The following SPPL2A variants were observed in gnomAD, a reference collection of about 807,000 sequenced individuals.
SPPL2A encodes the protein signal peptide peptidase-like 2A.
In SPPL2A, 51 loss-of-function variants were observed where a neutral mutation model predicts 63.8. That is an observed-to-expected ratio of 0.80 (90% CI 0.64 to 1.01). The LOEUF (loss-of-function observed/expected upper bound fraction) is 1.01. SPPL2A is among the 50% of genes least tolerant of loss of function. The pLI is 0.00. For missense variants in SPPL2A, 553 were observed against 622.7 expected (o/e 0.89, Z 1.19); for synonymous variants, 188 against 205.8 (o/e 0.91, Z 0.74).
At chr15:50,755,273 G>A (rs62018809) in intron 1 of SPPL2A, among the ~76,000 whole-genome samples, 4,181 of 150,814 alleles carry the variant, frequency 0.028, 72 homozygotes, top group Middle Eastern at 0.1. Context: ...AGCCAAGATC[G>A]CACCACTGCA....
Position 50,739,753 on chromosome 15 carries a change from A to C in SPPL2A, c.660T>G (p.Pro220=), listed in dbSNP as rs779289679. 6.3e-7 allele frequency: 1 copy of C among 1,599,754 alleles called. No individual in the cohort carries two copies. Among genetic ancestry groups the C allele is most frequent in the Admixed American group, 1.7e-5 (1 of 57,616 alleles). The part of the protein sequence containing the change: ...KKKEEYLTFS[P]LTVVIFVVIC... ...TGACCACAAATATTACAACTGTAAG[A>C]GGACTAAAAGTTAAATATTCTTCCT... The change falls in exon 6 of 15, where the codon CCT becomes CCG. Residue 220 remains proline, a synonymous_variant. Coordinates refer to ENST00000261854, the MANE Select transcript of SPPL2A (RefSeq NM_032802.4).
Position 50,731,003 on chromosome 15 carries a change from C to A in SPPL2A, c.1051G>T (p.Asp351Tyr). The A allele has an allele frequency of 6.6e-7, 1 of 1,522,402 alleles. No homozygotes were observed. Among genetic ancestry groups the A allele is most frequent in the South Asian group, 1.1e-5 (1 of 88,366 alleles). The allele number at this position is 1,522,402 out of a possible 1,614,324, so 94.3% of individuals were successfully genotyped here. ...GGTGTTATGAAAACAAAAAATACAT[C>A]ATAGAGGAGGAGAAGGCCTAGAAGT... is the stretch of plus-strand genomic sequence containing the variant. ...VILLGLLLLYDVFFVFITPFI... is the reference protein window; with the variant it reads ...VILLGLLLLYYVFFVFITPFI... Residue 351 changes from aspartate to tyrosine, a missense_variant, in exon 10 of 15, where the codon GAT becomes TAT. By Grantham distance (160) the Asp-to-Tyr change is radical (BLOSUM62 -3). Coordinates refer to ENST00000261854, the MANE Select transcript of SPPL2A (RefSeq NM_032802.4).
chr15:50,725,045 C>A (rs1419111526), intron 12 of SPPL2A, among the ~76,000 whole-genome samples, 176 bp downstream of exon 12: 2 of 152,116 alleles, frequency 1.3e-5, no homozygotes, highest in Non-Finnish European at 2.9e-5. Context: ...TTAGTTGTTA[C>A]CATTTGGGCT....
intron 5 of SPPL2A, among the ~76,000 whole-genome samples, chr15:50,744,087 G>C (rs2062841097): frequency 6.6e-6 from 1 of 151,772 alleles, no homozygotes; most frequent in Non-Finnish European, 1.5e-5. Context: ...GCTGAGGCAG[G>C]AGAATTGCTT....
In SPPL2A at chr15:50,736,094, T is replaced by G; in HGVS notation, c.932+7A>C. 1 of 1,529,192 alleles carries G rather than the reference T, an allele frequency of 6.5e-7. No homozygotes were observed. Among genetic ancestry groups the G allele is most frequent in the South Asian group, 1.1e-5 (1 of 89,398 alleles). The allele number at this position is 1,529,192 out of a possible 1,614,324, so 94.7% of individuals were successfully genotyped here. On this transcript the variant is annotated splice_region_variant and intron_variant, in intron 8 of 14. Transcript: ENST00000261854. ...AATCTAAAAGCAAATACATTGAGTATTCATACCTGTCTTCATTTCGAAACA... is the reference window on the plus strand; with the variant it reads ...AATCTAAAAGCAAATACATTGAGTAGTCATACCTGTCTTCATTTCGAAACA...
At chr15:50,756,352 G>A (rs148843389) in intron 1 of SPPL2A, among the ~76,000 whole-genome samples, 1,119 of 100,748 alleles carry the variant, frequency 0.011, 15 homozygotes, top group African/African-American at 0.045. Context: ...GTCAGACTCC[G>A]TCTCAAAAAA....
At chr15:50,726,025 A>C (rs953146244) in intron 11 of SPPL2A, 1 of 1,207,372 alleles carries the variant, frequency 8.3e-7, no homozygotes, top group African/African-American at 1.5e-5. Context: ...CTTGTCTCAG[A>C]GGGTATGATT....
chr15:50,756,126 C>T (rs1245661010), intron 1 of SPPL2A, among the ~76,000 whole-genome samples: 1 of 150,708 alleles, frequency 6.6e-6, no homozygotes, highest in African/African-American at 2.4e-5. Flanking sequence ...TTTGGGAGGC[C>T]GAGGTGGGCA....
At chr15:50,763,003 A>C (rs2063025955) in intron 1 of SPPL2A, among the ~76,000 whole-genome samples, 1 of 151,694 alleles carries the variant, frequency 6.6e-6, no homozygotes, top group Admixed American at 6.6e-5. Context: ...TGGACCTCTC[A>C]AAGTGCTGGG....
chr15:50,738,607 A>C (rs542652601), intron 6 of SPPL2A, among the ~76,000 whole-genome samples: 1 of 152,024 alleles, frequency 6.6e-6, no homozygotes, highest in Non-Finnish European at 1.5e-5. Flanking sequence ...CTAGTCCAGA[A>C]ATTTATGCTA....
At chr15:50,755,820 A>G (rs2062953128) in intron 1 of SPPL2A, among the ~76,000 whole-genome samples, 1 of 151,846 alleles carries the variant, frequency 6.6e-6, no homozygotes, top group South Asian at 2.1e-4. Context: ...AGATCTTGCC[A>G]TGGTACTCAG....
intron 1 of SPPL2A, among the ~76,000 whole-genome samples, chr15:50,763,691 G>T (rs57839303): frequency 0.094 from 14,331 of 152,182 alleles, 2,286 homozygotes; most frequent in African/African-American, 0.33. Context: ...GAGGTCAGGA[G>T]TTCGAGACCA....
At position 50,706,227 on chromosome 15, in the gene SPPL2A, TA is replaced by T. The variant is rs1172593423; in HGVS notation, c.*1572del. On this transcript the variant is annotated 3_prime_UTR_variant, in exon 15 of 15. Transcript: ENST00000261854. ...TAAAACGGTGAAACCCCGTCTCTAC[TA>T]AAACTACAAAAAATAGCCGGGCGTA... 1 of 150,906 alleles carries T rather than the reference TA, an allele frequency of 6.6e-6. No homozygotes were observed. Among genetic ancestry groups the T allele is most frequent in the Non-Finnish European group, 1.5e-5 (1 of 67,792 alleles). The allele number at this position is 150,906 out of a possible 1,614,324, so 9.3% of individuals were successfully genotyped here.
At chr15:50,711,049 A>G (rs1472971654) in intron 14 of SPPL2A, among the ~76,000 whole-genome samples, 1 of 152,118 alleles carries the variant, frequency 6.6e-6, no homozygotes, top group Non-Finnish European at 1.5e-5. Context: ...TATTTGCTTT[A>G]TACTAATTAG....
intron 10 of SPPL2A, among the ~76,000 whole-genome samples, chr15:50,726,637 AG>A (rs1167251600): frequency 6.6e-6 from 1 of 152,232 alleles, no homozygotes; most frequent in Non-Finnish European, 1.5e-5. Flanking sequence ...AAATAATTCA[AG>A]TGAACCCTCA....
At chr15:50,741,924 T>A (rs1248839741) in intron 5 of SPPL2A, among the ~76,000 whole-genome samples, 2 of 150,502 alleles carry the variant, frequency 1.3e-5, no homozygotes, top group African/African-American at 4.9e-5. Flanking sequence ...GAAGACCGCA[T>A]GCCACCGCAC....
chr15:50,749,591 C>T, intron 2 of SPPL2A, 45 bp downstream of exon 2: 1 of 1,291,854 alleles, frequency 7.7e-7, no homozygotes, highest in Non-Finnish European at 1.1e-6. Context: ...CAGCCTCCTT[C>T]TTCACTATTT....
chr15:50,746,309 G>A (rs1218863048), intron 5 of SPPL2A, among the ~76,000 whole-genome samples: 6 of 151,296 alleles, frequency 4.0e-5, no homozygotes, highest in African/African-American at 1.2e-4. Flanking sequence ...ATGGTGGTGC[G>A]TGCCTGTAGT....
rs542808329 is a variant in SPPL2A at position 50,709,800 on chromosome 15, A to T, written c.1489-1926T>A. ...GAGAGAGACCCTGTCTCAAAAAAAT[A>T]AAAAAAATAAAAAAATAAAAAACCT... On this transcript the variant is annotated intron_variant, in intron 14 of 14. Coordinates refer to ENST00000261854, the MANE Select transcript of SPPL2A (RefSeq NM_032802.4). 4.9e-4 allele frequency among the ~76,000 whole-genome samples: 74 copies of T among 151,994 alleles called. 2 individuals are homozygous for T. The South Asian group carries it at 0.015, about 30-fold the overall frequency.
Sources: gnomAD v4.1 joint callset for allele counts (sites outside exome capture counted in the v4.1 genomes callset) on GRCh38, gnomAD v4.1.1 for gene constraint, MANE v1.5 for transcripts, NCBI Gene and HGNC (gene_info 2026-07-23, HGNC 2026-07-21) for gene names.